DISP1: variants seen among roughly 807,000 people sequenced by gnomAD.
DISP1 encodes the protein protein dispatched homolog 1.
Under a neutral mutation model 37.3 loss-of-function variants are expected in DISP1, and 30 were observed. That is an observed-to-expected ratio of 0.80 (90% CI 0.60 to 1.09). The LOEUF is 1.09. DISP1 is among the 50% of genes least tolerant of loss of function. DISP1 has a pLI of 0.00. For missense variants in DISP1, 1,598 were observed against 1,879.5 expected (o/e 0.85, Z 2.77); for synonymous variants, 634 against 690.2 (o/e 0.92, Z 1.28).
At chr1:222,836,503 A>G (rs1208578830) in intron 1 of DISP1, among the ~76,000 whole-genome samples, 6 of 152,180 alleles carry the variant, frequency 3.9e-5, no homozygotes, top group African/African-American at 7.2e-5. Flanking sequence ...GAGCACTGCA[A>G]TGAAAATCAG....
In DISP1 at chr1:223,003,852, G is replaced by C. The variant is rs201957626; in HGVS notation, c.2455G>C (p.Ala819Pro). The change falls in exon 9 of 9, where the codon GCC becomes CCC. Residue 819 changes from alanine to proline, a missense_variant. Coordinates refer to ENST00000675850, the MANE Select transcript of DISP1 (RefSeq NM_001377229.1). This position sits in a 1 kb window ranked among gnomAD's most constrained non-coding sequence, Gnocchi z 4.3. ...KLTLDSSFNIASPASQAWILH... is the reference protein window; with the variant it reads ...KLTLDSSFNIPSPASQAWILH... ...GACATTAGATAGCAGTTTTAACATC[G>C]CCAGCCCAGCTTCCCAGGCCTGGAT... 1 of 1,614,100 alleles carries C rather than the reference G, an allele frequency of 6.2e-7. No homozygotes were observed. The highest frequency in any genetic ancestry group is 2.2e-5 in the East Asian group (1 of 44,876).
Position 223,003,894 on chromosome 1 carries a change from A to C in DISP1, c.2497A>C (p.Lys833Gln). 6.2e-7 allele frequency: 1 copy of C among 1,614,162 alleles called. No homozygotes were observed. Among genetic ancestry groups the C allele is most frequent in the Non-Finnish European group, 8.5e-7 (1 of 1,180,032 alleles). Residue 833 changes from lysine to glutamine, a missense_variant, in exon 9 of 9, where the codon AAA (lysine) becomes CAA (glutamine). Physicochemically the swap from Lys to Gln is moderately conservative, Grantham distance 53. Coordinates refer to ENST00000675850, the MANE Select transcript of DISP1 (RefSeq NM_001377229.1). The surrounding 1 kb of genome is among the most constrained non-coding windows in gnomAD (Gnocchi z 4.3). ...SQAWILHFCQ[K>Q]LRNQTFFYQT... ...GGCCTGGATTTTGCACTTCTGTCAAAAACTGAGAAACCAAACATTCTTTTA... is the reference window on the plus strand; with the variant it reads ...GGCCTGGATTTTGCACTTCTGTCAACAACTGAGAAACCAAACATTCTTTTA...
At chr1:222,974,673 T>A (rs958715892) in intron 3 of DISP1, among the ~76,000 whole-genome samples, 3 of 152,168 alleles carry the variant, frequency 2.0e-5, no homozygotes, top group Non-Finnish European at 4.4e-5. Context: ...GTTGTGGTTT[T>A]TGTTATCCTT....
At chr1:222,995,095 C>G (rs1397522062) in intron 8 of DISP1, 113 bp downstream of exon 8, 8 of 850,330 alleles carry the variant, frequency 9.4e-6, no homozygotes, top group East Asian at 2.5e-5. Context: ...AGAGGCTTAC[C>G]TACTGAGGAG....
Position 222,936,827 on chromosome 1 carries a change from T to C in DISP1, c.-17-5980T>C, listed in dbSNP as rs1207794158. Among the ~76,000 whole-genome samples, 5 of 50,052 alleles carry C rather than the reference T, an allele frequency of 1.0e-4. No homozygotes were observed. The East Asian group carries it at 3.0e-3, about 30-fold the overall frequency. 32.8% of individuals were successfully genotyped at this position (50,052 alleles called of 152,430 possible). ...ATATATATAAATTATATATAATATA[T>C]ATAAATTATATATATCATATATATG... is the stretch of plus-strand genomic sequence containing the variant. On this transcript the variant is annotated intron_variant, in intron 2 of 8. Coordinates refer to ENST00000675850, the MANE Select transcript of DISP1 (RefSeq NM_001377229.1).
At chr1:222,874,139 G>T (rs887618728) in intron 1 of DISP1, among the ~76,000 whole-genome samples, 1 of 152,236 alleles carries the variant, frequency 6.6e-6, no homozygotes, top group Non-Finnish European at 1.5e-5. Context: ...TCTGCCAAGA[G>T]ATCAGCTGTT....
intron 1 of DISP1, among the ~76,000 whole-genome samples, chr1:222,884,302 G>T (rs995928807): frequency 3.3e-5 from 5 of 151,942 alleles, no homozygotes; most frequent in Non-Finnish European, 7.4e-5. Context: ...TTGAAACAAG[G>T]AAACTAATAT....
At chr1:222,929,826 A>G (rs2609403) in intron 2 of DISP1, among the ~76,000 whole-genome samples, 24,107 of 152,032 alleles carry the variant, frequency 0.16, 1,981 homozygotes, top group East Asian at 0.3. Flanking sequence ...AACGTATCAA[A>G]TATTGGGATA....
At chr1:222,955,166 A>G (rs1172202767) in intron 3 of DISP1, among the ~76,000 whole-genome samples, 1 of 151,446 alleles carries the variant, frequency 6.6e-6, no homozygotes, top group Non-Finnish European at 1.5e-5. Context: ...GGCTCACTGC[A>G]ACCTCTGCCT....
intron 8 of DISP1, among the ~76,000 whole-genome samples, chr1:222,997,317 A>G (rs1679146122): frequency 6.6e-6 from 1 of 152,160 alleles, no homozygotes; most frequent in Non-Finnish European, 1.5e-5. Context: ...CAGAGCAAAA[A>G]GGATTCACAA....
intron 3 of DISP1, among the ~76,000 whole-genome samples, chr1:222,975,577 T>TA (rs927622929): frequency 2.6e-5 from 4 of 152,228 alleles, no homozygotes; most frequent in Non-Finnish European, 4.4e-5. Flanking sequence ...TTACCTTTTT[T>TA]AAAAATTTCC....
chr1:222,825,851 C>T (rs1664248510), intron 1 of DISP1, among the ~76,000 whole-genome samples: 1 of 152,056 alleles, frequency 6.6e-6, no homozygotes, highest in Admixed American at 6.6e-5. Context: ...CCTCCTCACC[C>T]CCTCAGCAGT....
chr1:222,875,975 G>GAA (rs5781287), intron 1 of DISP1, among the ~76,000 whole-genome samples: 9 of 142,638 alleles, frequency 6.3e-5, no homozygotes, highest in East Asian at 2.0e-4. Flanking sequence ...AAATTTTCCT[G>GAA]AAAAAAAAAA....
rs754695967 is a variant in DISP1, at chr1:223,003,178, CAG to C, written c.1783_1784del (p.Glu595AsnfsTer27). On this transcript the variant is annotated frameshift_variant, in exon 9 of 9. Transcript: ENST00000675850. LOFTEE classifies it low-confidence loss of function (END_TRUNC). The surrounding 1 kb of genome is among the most constrained non-coding windows in gnomAD (Gnocchi z 4.3). ...TTTGATAAGCCTCATGCCGAAACCT[CAG>C]AAACAGTAAGCATCACCTTGCAGCA... is the stretch of plus-strand genomic sequence containing the variant. 1.9e-6 allele frequency: 3 copies of C among 1,614,110 alleles called. No homozygotes were observed. The highest frequency in any genetic ancestry group is 2.7e-5 in the African/African-American group (2 of 74,936).
At chr1:222,977,709 C>CG (rs1558064445) in intron 3 of DISP1, among the ~76,000 whole-genome samples, 1 of 150,958 alleles carries the variant, frequency 6.6e-6, no homozygotes, top group African/African-American at 2.4e-5. Flanking sequence ...CAACAGGCCC[C>CG]GGTGTGTGAT....
intron 3 of DISP1, among the ~76,000 whole-genome samples, chr1:222,967,132 T>C (rs1471620271): frequency 6.6e-6 from 1 of 151,804 alleles, no homozygotes; most frequent in Non-Finnish European, 1.5e-5. Flanking sequence ...TACATATATA[T>C]ATATCTACAT....
chr1:222,910,662 G>A (rs1428461583), intron 1 of DISP1, among the ~76,000 whole-genome samples: 1 of 152,198 alleles, frequency 6.6e-6, no homozygotes, highest in East Asian at 1.9e-4. Context: ...TTAAGATACT[G>A]CAAATGTCCA....
At chr1:222,999,190 C>T (rs957028460) in intron 8 of DISP1, among the ~76,000 whole-genome samples, 1 of 152,092 alleles carries the variant, frequency 6.6e-6, no homozygotes, top group Non-Finnish European at 1.5e-5. Flanking sequence ...GGGAAGTGTG[C>T]CAAGAGATGT....
rs1261928714 is a variant in DISP1 at position 223,002,669 on chromosome 1, G to A, written c.1272G>A (p.Val424=). 1 of 1,614,154 alleles carries A rather than the reference G, an allele frequency of 6.2e-7. No individual in the cohort carries two copies. Among genetic ancestry groups the A allele is most frequent in the East Asian group, 2.2e-5 (1 of 44,868 alleles). The change falls in exon 9 of 9, where the codon GTG becomes GTA. Residue 424 remains valine (V), a synonymous_variant. Transcript: ENST00000675850. The part of the protein sequence containing the change: ...VPRKCTKYNA[V]YQILHYLVDK... ...GCAAATGTACCAAGTACAATGCTGTGTACCAGATCCTCCATTACTTGGTGG... is the reference window on the plus strand; with the variant it reads ...GCAAATGTACCAAGTACAATGCTGTATACCAGATCCTCCATTACTTGGTGG...
Sources: gnomAD v4.1 joint callset for allele counts (sites outside exome capture counted in the v4.1 genomes callset) on GRCh38, gnomAD v4.1.1 for gene constraint, Gnocchi (gnomAD v3.1) non-coding constraint, MANE v1.5 for transcripts, NCBI Gene and HGNC (gene_info 2026-07-23, HGNC 2026-07-21) for gene names.